The following RNF217 variants were observed in gnomAD, a reference collection of about 807,000 sequenced individuals.
The protein encoded by RNF217 is E3 ubiquitin-protein ligase RNF217.
In RNF217, 31 loss-of-function variants were observed where a neutral mutation model predicts 57.8. The observed-to-expected ratio is 0.54, with a 90% confidence interval of 0.40 to 0.72. RNF217 has a LOEUF of 0.72. Ranked by LOEUF, RNF217 falls within the 30% of genes least tolerant of loss-of-function variation. The pLI, the probability that RNF217 is intolerant of heterozygous loss-of-function variation, is 0.00. For missense variants in RNF217, 696 were observed against 708.3 expected (o/e 0.98, Z 0.20); for synonymous variants, 313 against 294.0 (o/e 1.06, Z -0.66).
chr6:125,080,920 CTG>C (rs1285414577), intron 4 of RNF217, among the ~76,000 whole-genome samples: 1 of 152,006 alleles, frequency 6.6e-6, no homozygotes, highest in Non-Finnish European at 1.5e-5. Context: ...TTAGTTCAGT[CTG>C]TTAGGCGTTC....
At position 125,086,205 on chromosome 6, in the gene RNF217, T is replaced by C. The variant is rs968298840; in HGVS notation, c.*3268T>C. Reference sequence around the variant, plus strand: ...ACCCTTTTTTGGATAAAAAGAAAGATTGTACAGGAGTGCATAATTTTTAAA... The same window carrying C: ...ACCCTTTTTTGGATAAAAAGAAAGACTGTACAGGAGTGCATAATTTTTAAA... On this transcript the variant is annotated 3_prime_UTR_variant, in exon 6 of 6. Transcript: ENST00000521654. The C allele has an allele frequency of 2.6e-5, 4 of 152,048 alleles. No individual in the cohort carries two copies. The highest frequency in any genetic ancestry group is 2.6e-4 in the Admixed American group (4 of 15,242). The allele number at this position is 152,048 out of a possible 1,614,324, so 9.4% of individuals were successfully genotyped here.
intron 1 of RNF217, among the ~76,000 whole-genome samples, chr6:125,022,959 A>G (rs1337353383): frequency 6.6e-6 from 1 of 152,132 alleles, no homozygotes; most frequent in Non-Finnish European, 1.5e-5. Context: ...CACCTACTTT[A>G]TGTCAGGTTA....
chr6:125,072,717 A>G (rs1182193413), intron 3 of RNF217, among the ~76,000 whole-genome samples: 1 of 152,222 alleles, frequency 6.6e-6, no homozygotes, highest in African/African-American at 2.4e-5. Flanking sequence ...ACAGAATGGC[A>G]AAAACAAGAA....
intron 1 of RNF217, among the ~76,000 whole-genome samples, chr6:124,969,333 G>A (rs1000495747): frequency 6.6e-6 from 1 of 151,740 alleles, no homozygotes; most frequent in African/African-American, 2.4e-5. Flanking sequence ...AGTTTGTTTT[G>A]GATCATTCAT....
chr6:125,032,887 T>A (rs1036295017), intron 1 of RNF217, among the ~76,000 whole-genome samples: 1 of 152,208 alleles, frequency 6.6e-6, no homozygotes, highest in African/African-American at 2.4e-5. Flanking sequence ...CATTAATATC[T>A]CATTAATTGT....
intron 1 of RNF217, among the ~76,000 whole-genome samples, chr6:125,022,180 C>T (rs554680616): frequency 6.6e-6 from 1 of 152,274 alleles, no homozygotes; most frequent in South Asian, 2.1e-4. Flanking sequence ...CCATGCCTGG[C>T]CTGTTTTCTT....
At chr6:125,012,497 T>G (rs1234145451) in intron 1 of RNF217, among the ~76,000 whole-genome samples, 3 of 152,192 alleles carry the variant, frequency 2.0e-5, no homozygotes, top group Non-Finnish European at 4.4e-5. Flanking sequence ...ATCTTCTGTT[T>G]AAAATATATT....
At chr6:125,069,890 G>A (rs1318861583) in intron 3 of RNF217, among the ~76,000 whole-genome samples, 7 of 151,978 alleles carry the variant, frequency 4.6e-5, no homozygotes, top group East Asian at 1.9e-4. Flanking sequence ...TTGGGGTACC[G>A]TTGGTTTTTG....
At chr6:125,037,774 C>T (rs1026983329) in intron 1 of RNF217, among the ~76,000 whole-genome samples, 2 of 152,110 alleles carry the variant, frequency 1.3e-5, no homozygotes, top group African/African-American at 2.4e-5. Context: ...TTACTGCTTT[C>T]GTTGCAATAT....
chr6:124,997,918 C>G (rs576362891), intron 1 of RNF217, among the ~76,000 whole-genome samples: 1 of 152,226 alleles, frequency 6.6e-6, no homozygotes, highest in South Asian at 2.1e-4. Flanking sequence ...ACTGTCCTTA[C>G]CTGTTCTTAT....
intron 3 of RNF217, among the ~76,000 whole-genome samples, chr6:125,059,337 A>G (rs1364473054): frequency 6.6e-6 from 1 of 152,170 alleles, no homozygotes; most frequent in African/African-American, 2.4e-5. Context: ...AGATCACTGC[A>G]TCGGTTGCTC....
chr6:125,073,096 C>A (rs1366815067), intron 3 of RNF217, among the ~76,000 whole-genome samples: 7 of 152,190 alleles, frequency 4.6e-5, no homozygotes, highest in Non-Finnish European at 8.8e-5. Flanking sequence ...GTCGTATTAT[C>A]TCCACTTTAA....
chr6:124,969,795 A>C (rs184058460), intron 1 of RNF217, among the ~76,000 whole-genome samples: 34 of 152,300 alleles, frequency 2.2e-4, no homozygotes, highest in Middle Eastern at 3.4e-3. Flanking sequence ...GAAGATAATA[A>C]GGGCAATGGA....
Position 124,976,036 on chromosome 6 carries a change from T to C in RNF217, c.882+12610T>C, listed in dbSNP as rs114407343. On this transcript the variant is annotated intron_variant, in intron 1 of 5. Transcript: ENST00000521654. ...AAGAAAGAAGTATATTCCATGTGTC[T>C]TCAAGTGTTGGTGCTTTATGTTAAA... Among the ~76,000 whole-genome samples the C allele has an allele frequency of 6.7e-3, 1,027 of 152,300 alleles. 10 individuals carry two copies. Among genetic ancestry groups the C allele is most frequent in the African/African-American group, 0.024 (985 of 41,558 alleles).
Position 125,077,173 on chromosome 6 carries a change from T to C in RNF217, c.1483+315T>C, listed in dbSNP as rs80039879. 2.1e-3 allele frequency among the ~76,000 whole-genome samples: 324 copies of C among 152,180 alleles called. 10 individuals carry two copies. The East Asian group carries it at 0.057, about 27-fold the overall frequency. ...ACAAGAGGGGCAGTGTCATGTATAT[T>C]TTTGTAATGGACAATATCCAGCAGC... On this transcript the variant is annotated intron_variant, in intron 4 of 5. Coordinates refer to ENST00000521654, the MANE Select transcript of RNF217 (RefSeq NM_001286398.3).
At chr6:125,074,575 A>G (rs1380547620) in intron 3 of RNF217, among the ~76,000 whole-genome samples, 2 of 152,162 alleles carry the variant, frequency 1.3e-5, no homozygotes, top group East Asian at 3.8e-4. Context: ...TATTCCTAAA[A>G]GCTATACAAC....
chr6:125,082,829 C>A, intron 5 of RNF217, 35 bp from the exon 6 acceptor site: 3 of 1,463,226 alleles, frequency 2.1e-6, no homozygotes, highest in Non-Finnish European at 2.9e-6. Context: ...AAATGCCTCT[C>A]ATCCTAACTA....
intron 1 of RNF217, among the ~76,000 whole-genome samples, chr6:125,014,910 T>C (rs1180657757): frequency 6.6e-6 from 1 of 152,166 alleles, no homozygotes; most frequent in Non-Finnish European, 1.5e-5. Context: ...CCCTTCCTAA[T>C]AAACCATGTT....
chr6:125,018,902 A>G (rs578186583), intron 1 of RNF217, among the ~76,000 whole-genome samples: 78 of 152,250 alleles, frequency 5.1e-4, no homozygotes, highest in African/African-American at 1.8e-3. Flanking sequence ...ATCCATATAA[A>G]GGGTGGTAAG....
Sources: gnomAD v4.1 joint callset for allele counts (sites outside exome capture counted in the v4.1 genomes callset) on GRCh38, gnomAD v4.1.1 for gene constraint, MANE v1.5 for transcripts, NCBI Gene and HGNC (gene_info 2026-07-23, HGNC 2026-07-21) for gene names.